The following ATP6V0A2 variants were observed in gnomAD, a reference collection of about 807,000 sequenced individuals.
The protein encoded by ATP6V0A2 is ATPase H+ transporting V0 subunit a2.
A neutral mutation model predicts 104.4 loss-of-function variants in ATP6V0A2; 58 were observed. The ratio of observed to expected loss-of-function variants is 0.56; its 90% confidence interval spans 0.45 to 0.69. ATP6V0A2 has a LOEUF of 0.69. ATP6V0A2 is among the 30% of genes least tolerant of loss of function. The pLI is 0.00. For missense variants in ATP6V0A2, 938 were observed against 1,062.9 expected, an observed-to-expected ratio of 0.88 and a Z score of 1.63; for synonymous variants, 376 against 397.9, an observed-to-expected ratio of 0.95 and a Z score of 0.65.
At chr12:123,750,966 G>T in intron 15 of ATP6V0A2, 144 bp from the exon 16 acceptor site, 2 of 1,101,426 alleles carry the variant, frequency 1.8e-6, no homozygotes, top group East Asian at 2.4e-5. Context: ...AAGAAAACCC[G>T]CTGGCAAGTG....
chr12:123,724,942 A>G (rs1956435045), intron 4 of ATP6V0A2, 151 bp downstream of exon 4: 1 of 557,234 alleles, frequency 1.8e-6, no homozygotes, highest in Non-Finnish European at 2.7e-6. Context: ...TTAATTTTAT[A>G]TTTTGTTTTT....
rs1440289980 is a variant in ATP6V0A2, at chr12:123,761,522, TTTTCA to T, written c.*3491_*3495del. On this transcript the variant is annotated 3_prime_UTR_variant, in exon 20 of 20. Coordinates refer to ENST00000330342, the MANE Select transcript of ATP6V0A2 (RefSeq NM_012463.4). ...CCATTTTTGCTGATTTGGTTTAGAA[TTTTCA>T]GAAATACTTAGTACACTCCACCTGT... 6.6e-6 allele frequency: 1 copy of T among 152,136 alleles called. No homozygotes were observed. The highest frequency in any genetic ancestry group is 1.5e-5 in the Non-Finnish European group (1 of 68,024). 9.4% of individuals were successfully genotyped at this position (152,136 alleles called of 1,614,324 possible).
rs1956799059 is a variant in ATP6V0A2 at position 123,760,306 on chromosome 12, A to C, written c.*2274A>C. On this transcript the variant is annotated 3_prime_UTR_variant, in exon 20 of 20. Transcript: ENST00000330342. Reference sequence around the variant, plus strand: ...TGTAGTATTTATGTAGAATGTCATTATATGAAAAGCGAATTCAGAATCCTA... The same window carrying C: ...TGTAGTATTTATGTAGAATGTCATTCTATGAAAAGCGAATTCAGAATCCTA... The C allele has an allele frequency of 6.6e-6, 1 of 152,240 alleles. No homozygotes were observed. Among genetic ancestry groups the C allele is most frequent in the African/African-American group, 2.4e-5 (1 of 41,452 alleles). 9.4% of individuals were successfully genotyped at this position (152,240 alleles called of 1,614,324 possible).
chr12:123,753,253 C>G (rs1956733871), intron 17 of ATP6V0A2, among the ~76,000 whole-genome samples: 1 of 151,824 alleles, frequency 6.6e-6, no homozygotes, highest in African/African-American at 2.4e-5. Context: ...TTACCAGTGA[C>G]TGCTGCCTTA....
At chr12:123,736,904 G>A (rs535456484) in intron 8 of ATP6V0A2, among the ~76,000 whole-genome samples, 155 bp from the exon 9 acceptor site, 2 of 152,322 alleles carry the variant, frequency 1.3e-5, no homozygotes, top group African/African-American at 4.8e-5. Context: ...CAGGGAGAAG[G>A]AAGGAATGGC....
chr12:123,715,642 A>G (rs1956332209), intron 1 of ATP6V0A2, among the ~76,000 whole-genome samples: 1 of 152,226 alleles, frequency 6.6e-6, no homozygotes, highest in Non-Finnish European at 1.5e-5. Context: ...TGAAGTATGA[A>G]AGTGATAGAT....
Position 123,757,948 on chromosome 12 carries a change from C to G in ATP6V0A2, c.2487C>G (p.Phe829Leu), listed in dbSNP as rs1463318138. The change falls in exon 20 of 20, where the codon TTC becomes TTG. Residue 829 changes from phenylalanine (F) to leucine (L), a missense_variant. By Grantham distance (22) the Phe-to-Leu change is conservative. Coordinates refer to ENST00000330342, the MANE Select transcript of ATP6V0A2 (RefSeq NM_012463.4). ...TTAGGGTAGAATTTCAGAACAAATT[C>G]TACGTTGGTGCAGGCACCAAATTTG... ...RLHWVEFQNKFYVGAGTKFVP... is the reference protein window; with the variant it reads ...RLHWVEFQNKLYVGAGTKFVP... 1 of 1,592,826 alleles carries G rather than the reference C, an allele frequency of 6.3e-7. No homozygotes were observed. The highest frequency in any genetic ancestry group is 1.4e-5 in the African/African-American group (1 of 72,886).
At chr12:123,714,513 G>A (rs1263443621) in intron 1 of ATP6V0A2, among the ~76,000 whole-genome samples, 1 of 152,150 alleles carries the variant, frequency 6.6e-6, no homozygotes, top group Admixed American at 6.5e-5. Flanking sequence ...AGCTGATGGG[G>A]AGGACTCCCT....
intron 16 of ATP6V0A2, among the ~76,000 whole-genome samples, chr12:123,751,737 C>T (rs1956716336): frequency 6.6e-6 from 1 of 152,196 alleles, no homozygotes; most frequent in African/African-American, 2.4e-5. Context: ...GTATGAACTA[C>T]AAGCTTATTA....
intron 1 of ATP6V0A2, among the ~76,000 whole-genome samples, chr12:123,717,449 T>TCTTTC (rs148118721): frequency 2.2e-5 from 3 of 135,180 alleles, no homozygotes; most frequent in South Asian, 2.4e-4. Context: ...TTTCTTTCTT[T>TCTTTC]TTTTTTTTTT....
chr12:123,747,864 A>T (rs1280655292), intron 14 of ATP6V0A2, 139 bp downstream of exon 14: 1 of 654,156 alleles, frequency 1.5e-6, no homozygotes, highest in Non-Finnish European at 2.7e-6. Context: ...TGTTGAAGTT[A>T]TTTAGATTTT....
intron 13 of ATP6V0A2, among the ~76,000 whole-genome samples, chr12:123,745,364 G>A (rs961364059): frequency 2.0e-5 from 3 of 152,142 alleles, no homozygotes; most frequent in African/African-American, 4.8e-5. Context: ...GAAAGGAAGC[G>A]TGAGGTTATT....
intron 6 of ATP6V0A2, among the ~76,000 whole-genome samples, chr12:123,730,245 C>T (rs1424044759): frequency 2.6e-5 from 4 of 151,784 alleles, no homozygotes; most frequent in Admixed American, 2.0e-4. Context: ...TTAGTAGAGA[C>T]GGGGTTTCAC....
chr12:123,731,639 T>A (rs1956502879), intron 6 of ATP6V0A2: 1 of 152,302 alleles, frequency 6.6e-6, no homozygotes, highest in African/African-American at 2.4e-5. Context: ...ACGATCCTCC[T>A]GCCTTGGCCC....
intron 6 of ATP6V0A2, chr12:123,732,362 T>G (rs894296781): frequency 1.3e-5 from 2 of 152,996 alleles, no homozygotes; most frequent in Non-Finnish European, 2.9e-5. Context: ...TCTCTTCTCC[T>G]GGCATCCAGA....
In ATP6V0A2 at chr12:123,726,239, T is replaced by A. The variant is rs767052313; in HGVS notation, c.475T>A (p.Ser159Thr). Residue 159 changes from serine to threonine, a missense_variant, in exon 5 of 20, where the codon TCT becomes ACT. Coordinates refer to ENST00000330342, the MANE Select transcript of ATP6V0A2 (RefSeq NM_012463.4). ...AGAATTCCCTTCCTTAGAGAGTGAT[T>A]CTTTGTTGGATTACAGCTGTATGCA... ...YEEFPSLESD[S>T]LLDYSCMQRL... The A allele has an allele frequency of 2.5e-6, 4 of 1,613,866 alleles. No individual in the cohort carries two copies. In the South Asian group the frequency reaches 4.4e-5, roughly 18 times the overall value.
intron 6 of ATP6V0A2, 42 bp downstream of exon 6, chr12:123,727,951 ACAG>A (rs1227381895): frequency 7.4e-6 from 12 of 1,613,834 alleles, no homozygotes; most frequent in Non-Finnish European, 1.0e-5. Flanking sequence ...TGACGGACTA[ACAG>A]CAGAGTTGGA....
In ATP6V0A2 at chr12:123,751,260, G is replaced by A. The variant is rs770365095; in HGVS notation, c.2055+31G>A. 1.7e-5 allele frequency: 28 copies of A among 1,613,978 alleles called. No individual in the cohort carries two copies. The South Asian group carries it at 2.1e-4, about 12-fold the overall frequency. On this transcript the variant is annotated intron_variant, in intron 16 of 19. Transcript: ENST00000330342. ...TGCGGGTTTGGATGCATTTACAACT[G>A]TGAGCAAAGCTTGCTTTCGGTTATA...
At chr12:123,713,643 G>T (rs1352393164) in intron 1 of ATP6V0A2, among the ~76,000 whole-genome samples, 1 of 152,046 alleles carries the variant, frequency 6.6e-6, no homozygotes, top group African/African-American at 2.4e-5. Context: ...AGTGTGGGAG[G>T]AGACAGATTA....
Sources: gnomAD v4.1 joint callset for allele counts (sites outside exome capture counted in the v4.1 genomes callset) on GRCh38, gnomAD v4.1.1 for gene constraint, MANE v1.5 for transcripts, NCBI Gene and HGNC (gene_info 2026-07-23, HGNC 2026-07-21) for gene names.